RNLS: variants seen among roughly 807,000 people sequenced by gnomAD.
RNLS encodes the protein renalase.
In RNLS, 39 loss-of-function variants were observed where a neutral mutation model predicts 39.8. The ratio of observed to expected loss-of-function variants is 0.98; its 90% CI spans 0.76 to 1.28. RNLS has a LOEUF of 1.28. Among genes scored for constraint, RNLS ranks in the 50% most tolerant of loss-of-function variants. RNLS has a pLI of 0.00. For synonymous variants in RNLS, 147 were observed against 150.7 expected, an observed-to-expected ratio of 0.98 and a Z score of 0.18; for missense variants, 410 against 413.3, an observed-to-expected ratio of 0.99 and a Z score of 0.07.
intron 6 of RNLS, among the ~76,000 whole-genome samples, chr10:88,289,037 T>G (rs1337907066): frequency 6.6e-6 from 1 of 152,172 alleles, no homozygotes; most frequent in Non-Finnish European, 1.5e-5. Flanking sequence ...CAAATCCAGG[T>G]TGCTTTGGCT....
chr10:88,272,718 T>C (rs1339207200), downstream of RNLS, among the ~76,000 whole-genome samples: 1 of 152,190 alleles, frequency 6.6e-6, no homozygotes, highest in Non-Finnish European at 1.5e-5. Flanking sequence ...ACCCCAGCCG[T>C]GCCTCCCTTT....
At chr10:88,229,906 A>G in the RNLS span, among the ~76,000 whole-genome samples, 1 of 148,338 alleles carries the variant, frequency 6.7e-6, no homozygotes, top group Non-Finnish European at 1.5e-5. Flanking sequence ...CTGCTTATCC[A>G]TTTCTTGGTG....
chr10:88,565,084 A>G (rs1849417617), intron 4 of RNLS, among the ~76,000 whole-genome samples: 2 of 152,230 alleles, frequency 1.3e-5, no homozygotes, highest in Admixed American at 1.3e-4. Flanking sequence ...CATGTAGTAC[A>G]TTCCTAATTC....
chr10:88,196,888 G>A, the RNLS span, among the ~76,000 whole-genome samples: 1 of 152,190 alleles, frequency 6.6e-6, no homozygotes, highest in Non-Finnish European at 1.5e-5. Flanking sequence ...AGCCCAATAT[G>A]TTTTGGGGCA....
At chr10:88,550,887 A>G (rs1054937712) in intron 4 of RNLS, among the ~76,000 whole-genome samples, 6 of 152,196 alleles carry the variant, frequency 3.9e-5, no homozygotes, top group Admixed American at 3.9e-4. Context: ...ACAGAGGAGA[A>G]AGATGAAGTC....
chr10:88,230,263 G>A, the RNLS span, among the ~76,000 whole-genome samples: 2 of 152,198 alleles, frequency 1.3e-5, no homozygotes, highest in South Asian at 4.2e-4. Context: ...AAAAAACAAA[G>A]TAACAGACCT....
chr10:88,573,038 G>C lies in RNLS; in HGVS notation c.391C>G (p.Arg131Gly). The C allele has an allele frequency of 6.2e-7, 1 of 1,613,734 alleles. No homozygotes were observed. Among genetic ancestry groups the C allele is most frequent in the Non-Finnish European group, 8.5e-7 (1 of 1,179,736 alleles). Reference sequence around the variant, plus strand: ...TCTCTTAGGTTGATCTGTGTCACACGATGTCTGAAGTAGACTTCTGCACCT... The same window carrying C: ...TCTCTTAGGTTGATCTGTGTCACACCATGTCTGAAGTAGACTTCTGCACCT... ...ESGAEVYFRH[R>G]VTQINLRDDK... Residue 131 changes from arginine to glycine, a missense_variant, in exon 4 of 7, where the codon CGT becomes GGT. Transcript: ENST00000331772.
chr10:88,203,357 CGTATGTGT>C, the RNLS span, among the ~76,000 whole-genome samples: 1 of 860 alleles, frequency 1.2e-3, no homozygotes, highest in Non-Finnish European at 2.4e-3. Context: ...TATATATATA[CGTATGTGT>C]GTGTATATAT....
the RNLS span, among the ~76,000 whole-genome samples, chr10:88,212,855 G>T: frequency 0.011 from 1,744 of 152,264 alleles, 30 homozygotes; most frequent in African/African-American, 0.04. Flanking sequence ...TTTGGAATTT[G>T]GATGTGCACT....
At chr10:88,267,586 C>T in the RNLS span, among the ~76,000 whole-genome samples, 1 of 152,118 alleles carries the variant, frequency 6.6e-6, no homozygotes, top group Non-Finnish European at 1.5e-5. Context: ...AGAAACAGAA[C>T]AAAACAAACA....
chr10:88,318,225 G>A (rs1845910025), intron 5 of RNLS, among the ~76,000 whole-genome samples: 1 of 152,216 alleles, frequency 6.6e-6, no homozygotes, highest in Non-Finnish European at 1.5e-5. Flanking sequence ...ACATGGGGCT[G>A]TTGGGTCCCT....
At chr10:88,418,818 A>C (rs904034468) in intron 4 of RNLS, among the ~76,000 whole-genome samples, 1 of 152,186 alleles carries the variant, frequency 6.6e-6, no homozygotes, top group South Asian at 2.1e-4. Flanking sequence ...TGGGATAAAG[A>C]AGTCTTTACA....
At chr10:88,250,230 A>G in the RNLS span, among the ~76,000 whole-genome samples, 1 of 152,216 alleles carries the variant, frequency 6.6e-6, no homozygotes, top group South Asian at 2.1e-4. Flanking sequence ...AGTTTCCTCC[A>G]TTATTAGCAC....
intron 4 of RNLS, among the ~76,000 whole-genome samples, chr10:88,570,988 T>TG (rs1849794393): frequency 8.0e-6 from 1 of 125,168 alleles, no homozygotes; most frequent in African/African-American, 3.4e-5. Context: ...TTTTTTGGTT[T>TG]GTTTTTTTTT....
intron 6 of RNLS, among the ~76,000 whole-genome samples, chr10:88,277,787 T>G (rs1161320282): frequency 6.6e-6 from 1 of 152,190 alleles, no homozygotes; most frequent in Admixed American, 6.5e-5. Context: ...AATCTTTGAC[T>G]TCTCCCTAAT....
chr10:88,557,869 T>C (rs1423350310), intron 4 of RNLS, among the ~76,000 whole-genome samples: 1 of 152,182 alleles, frequency 6.6e-6, no homozygotes, highest in Non-Finnish European at 1.5e-5. Context: ...CGCAATTCCA[T>C]AAATTATAGC....
At chr10:88,197,270 A>G in the RNLS span, among the ~76,000 whole-genome samples, 1 of 152,208 alleles carries the variant, frequency 6.6e-6, no homozygotes, top group Non-Finnish European at 1.5e-5. Flanking sequence ...GGCAGCTGTT[A>G]GTATGATTGT....
intron 4 of RNLS, among the ~76,000 whole-genome samples, chr10:88,466,535 C>A (rs765339193): frequency 6.6e-6 from 1 of 152,124 alleles, no homozygotes; most frequent in African/African-American, 2.4e-5. Flanking sequence ...TGTGAATGGG[C>A]TTCCTATTGT....
the RNLS span, among the ~76,000 whole-genome samples, chr10:88,254,658 ATAATAT>A: frequency 2.6e-5 from 4 of 152,214 alleles, no homozygotes; most frequent in Non-Finnish European, 4.4e-5. Context: ...TATAAGAATA[ATAATAT>A]TAATGACATG....
Sources: allele counts gnomAD v4.1 joint callset (sites outside exome capture counted in the v4.1 genomes callset), GRCh38; gene constraint gnomAD v4.1.1; transcripts MANE v1.5; gene names NCBI Gene and HGNC (gene_info 2026-07-23, HGNC 2026-07-21).